PLCL2: variants seen among roughly 807,000 people sequenced by gnomAD.
PLCL2 encodes phospholipase C like 2, also known as inactive phospholipase C-like protein 2.
Under a neutral mutation model 79.6 loss-of-function variants are expected in PLCL2, and 4 were observed. The observed-to-expected ratio is 0.05, with a 90% confidence interval of 0.02 to 0.11. The LOEUF is 0.11. PLCL2 is among the 10% of genes least tolerant of loss of function. The probability of loss-of-function intolerance (pLI) is 1.00; values close to 1 mark genes in which losing one functional copy is unlikely to be tolerated. For synonymous variants in PLCL2, 484 were observed against 457.7 expected (o/e 1.06, Z -0.73); for missense variants, 895 against 1,291.0 (o/e 0.69, Z 4.70).
chr3:16,975,862 A>G (rs1488396178), intron 1 of PLCL2, among the ~76,000 whole-genome samples: 1 of 152,180 alleles, frequency 6.6e-6, no homozygotes, highest in Non-Finnish European at 1.5e-5. Flanking sequence ...ATTTGCCAGC[A>G]GGGAGACTTC....
At chr3:17,067,901 C>A in intron 4 of PLCL2, 55 bp from the exon 5 acceptor site, 3 of 948,494 alleles carry the variant, frequency 3.2e-6, no homozygotes, top group South Asian at 3.1e-5. Context: ...ATTTCCAGTT[C>A]ATTACCACAG....
chr3:17,064,160 T>C (rs1391087782), intron 4 of PLCL2, among the ~76,000 whole-genome samples: 1 of 152,208 alleles, frequency 6.6e-6, no homozygotes, highest in Non-Finnish European at 1.5e-5. Context: ...ACTGTTGTTG[T>C]AAAGAACTGT....
Position 16,886,006 on chromosome 3 carries a change from A to T in PLCL2, c.327+640A>T, listed in dbSNP as rs1415049573. On this transcript the variant is annotated intron_variant, in intron 1 of 5. Transcript: ENST00000615277. The surrounding 1 kb of genome is among the most constrained non-coding windows in gnomAD (Gnocchi z 4.2). ...ACGATTTAATCTTTTTCCTTGCTGC[A>T]GTAGGCAGGCCTCGAGTACTGTGGA... 6.6e-6 allele frequency among the ~76,000 whole-genome samples: 1 copy of T among 152,240 alleles called. No individual in the cohort carries two copies. The highest frequency in any genetic ancestry group is 1.9e-4 in the East Asian group (1 of 5,206).
intron 1 of PLCL2, among the ~76,000 whole-genome samples, chr3:16,918,024 A>G (rs1559485227): frequency 6.6e-6 from 1 of 152,176 alleles, no homozygotes; most frequent in African/African-American, 2.4e-5. Flanking sequence ...AAAAATTTGG[A>G]TGAGTACGTG....
At chr3:17,069,034 G>A (rs1575614298) in intron 5 of PLCL2, among the ~76,000 whole-genome samples, 2 of 152,120 alleles carry the variant, frequency 1.3e-5, no homozygotes, top group Admixed American at 6.6e-5. Flanking sequence ...CCTTGAAAAC[G>A]ACCTGACAAT....
intron 1 of PLCL2, among the ~76,000 whole-genome samples, chr3:16,894,799 T>C (rs549243030): frequency 6.6e-6 from 1 of 152,234 alleles, no homozygotes; most frequent in African/African-American, 2.4e-5. Context: ...AAAGTCAGGT[T>C]GTTTTTATTT....
intron 5 of PLCL2, among the ~76,000 whole-genome samples, chr3:17,087,519 G>A (rs956746934): frequency 6.6e-6 from 1 of 152,214 alleles, no homozygotes; most frequent in Admixed American, 6.5e-5. Flanking sequence ...AGGATGACTA[G>A]CAAAGCACAG....
chr3:17,043,354 G>A lies in PLCL2; in HGVS notation c.3094+405G>A, dbSNP rs553677306. Among the ~76,000 whole-genome samples, 3 of 152,272 alleles carry A rather than the reference G, an allele frequency of 2.0e-5. No individual in the cohort carries two copies. The East Asian group carries it at 5.8e-4, about 29-fold the overall frequency. ...TAGAGGGAGAATGGCTTCTTGTAAA[G>A]GAGATGGATTCCAGTTACAACCTCC... On this transcript the variant is annotated intron_variant, in intron 4 of 5. Transcript: ENST00000615277.
chr3:17,046,433 A>G (rs2064781151), intron 4 of PLCL2, among the ~76,000 whole-genome samples: 1 of 152,160 alleles, frequency 6.6e-6, no homozygotes, highest in Non-Finnish European at 1.5e-5. Context: ...CTGAATTGGT[A>G]TGCTTAATAA....
chr3:16,933,944 G>A (rs1324710966), intron 1 of PLCL2, among the ~76,000 whole-genome samples: 1 of 152,116 alleles, frequency 6.6e-6, no homozygotes, highest in African/African-American at 2.4e-5. Flanking sequence ...GTGGGTGCCT[G>A]TAATCCCAGC....
At chr3:16,920,294 T>C (rs1697094540) in intron 1 of PLCL2, among the ~76,000 whole-genome samples, 1 of 152,170 alleles carries the variant, frequency 6.6e-6, no homozygotes, top group Non-Finnish European at 1.5e-5. Context: ...GGCTTTAGAA[T>C]ATCATTTAAC....
chr3:17,053,151 A>G (rs974853068), intron 4 of PLCL2, among the ~76,000 whole-genome samples: 2 of 152,224 alleles, frequency 1.3e-5, no homozygotes, highest in African/African-American at 4.8e-5. Flanking sequence ...TAATTTAGAA[A>G]GAAATGGGCT....
intron 3 of PLCL2, among the ~76,000 whole-genome samples, chr3:17,038,359 A>G (rs978488480): frequency 6.6e-6 from 1 of 152,240 alleles, no homozygotes; most frequent in African/African-American, 2.4e-5. Flanking sequence ...TTGCTGTGCC[A>G]AGACTTACAC....
chr3:16,916,660 A>G (rs1485814469), intron 1 of PLCL2, among the ~76,000 whole-genome samples: 1 of 152,224 alleles, frequency 6.6e-6, no homozygotes, highest in East Asian at 1.9e-4. Context: ...ATATAATGCT[A>G]TGATCTTTTT....
At chr3:17,030,282 T>C (rs2124908735) in intron 3 of PLCL2, among the ~76,000 whole-genome samples, 1 of 152,290 alleles carries the variant, frequency 6.6e-6, no homozygotes, top group African/African-American at 2.4e-5. Flanking sequence ...CAAAGGATTA[T>C]AAGACTATGT....
chr3:17,019,162 A>G (rs1042976221), intron 3 of PLCL2, among the ~76,000 whole-genome samples: 31 of 152,344 alleles, frequency 2.0e-4, no homozygotes, highest in Admixed American at 1.0e-3. Flanking sequence ...TTGGAATTCA[A>G]CTGGTAAAGA....
chr3:16,924,516 G>A (rs1357495694), intron 1 of PLCL2, among the ~76,000 whole-genome samples: 1 of 152,222 alleles, frequency 6.6e-6, no homozygotes, highest in Non-Finnish European at 1.5e-5. Context: ...TTACAACTCT[G>A]TCTTAGCCTT....
intron 1 of PLCL2, among the ~76,000 whole-genome samples, chr3:16,892,136 GTTAT>G (rs1696365811): frequency 6.6e-6 from 1 of 152,246 alleles, no homozygotes; most frequent in Admixed American, 6.5e-5. Context: ...GGATGAAGAT[GTTAT>G]TTAGACTTAA....
intron 4 of PLCL2, among the ~76,000 whole-genome samples, chr3:17,049,047 C>A (rs1559531611): frequency 6.6e-6 from 1 of 152,060 alleles, no homozygotes; most frequent in Non-Finnish European, 1.5e-5. Context: ...ATTCATGAAG[C>A]TATTTTTGCA....
Sources: allele counts gnomAD v4.1 joint callset (sites outside exome capture counted in the v4.1 genomes callset), GRCh38; gene constraint gnomAD v4.1.1; non-coding constraint Gnocchi (gnomAD v3.1); transcripts MANE v1.5; gene names NCBI Gene and HGNC (gene_info 2026-07-23, HGNC 2026-07-21).